INSC: variants seen among roughly 807,000 people sequenced by gnomAD.
INSC encodes INSC spindle orientation adaptor protein.
INSC carries 67 observed loss-of-function variants against 58.6 expected under a neutral mutation model. The observed-to-expected ratio is 1.14, with a 90% CI of 0.94 to 1.40. The LOEUF (loss-of-function observed/expected upper bound fraction) is 1.40, where lower values mean the gene tolerates loss of function less well. INSC is among the 40% of genes most tolerant of loss of function. INSC has a pLI of 0.00. For missense variants in INSC, 714 were observed against 692.0 expected (o/e 1.03, Z -0.36); for synonymous variants, 262 against 276.1 (o/e 0.95, Z 0.51).
At chr11:15,242,266 C>T (rs1852383561) in intron 12 of INSC, among the ~76,000 whole-genome samples, 1 of 152,148 alleles carries the variant, frequency 6.6e-6, no homozygotes, top group Non-Finnish European at 1.5e-5. Flanking sequence ...ATTATTACAG[C>T]TATCATTTTT....
rs540496622 is a variant in INSC, at chr11:15,175,796, A to G, written c.112A>G (p.Met38Val). The part of the protein sequence containing the change: ...VQRWMEDLKL[M>V]TECECMCVLQ... The stretch of plus-strand genomic sequence containing the variant: ...GCGCTGGATGGAAGATCTGAAGCTC[A>G]TGACCGAGTGCGAGTGCATGTGTGT... The change falls in exon 3 of 13, where the codon ATG becomes GTG. Residue 38 changes from methionine to valine, a missense_variant. Transcript: ENST00000379556. 3.1e-6 allele frequency: 5 copies of G among 1,602,862 alleles called. No homozygotes were observed. Among genetic ancestry groups the G allele is most frequent in the East Asian group, 2.2e-5 (1 of 44,538 alleles).
intron 6 of INSC, among the ~76,000 whole-genome samples, chr11:15,199,112 A>T (rs1011042817): frequency 6.6e-6 from 1 of 152,110 alleles, no homozygotes; most frequent in Non-Finnish European, 1.5e-5. Flanking sequence ...TGCCTTCTCT[A>T]TGAGACCATG....
the INSC span, among the ~76,000 whole-genome samples, chr11:15,268,462 G>A: frequency 4.6e-5 from 7 of 152,084 alleles, no homozygotes; most frequent in Admixed American, 3.3e-4. Context: ...TTCTCGATCA[G>A]TGAAGGATCA....
chr11:15,164,360 TG>T (rs1242783175), intron 2 of INSC, among the ~76,000 whole-genome samples: 1 of 152,166 alleles, frequency 6.6e-6, no homozygotes, highest in Admixed American at 6.5e-5. Context: ...TCCAAAAATA[TG>T]ATGACCTGCT....
intron 8 of INSC, among the ~76,000 whole-genome samples, chr11:15,223,046 G>A (rs1446569381): frequency 6.6e-6 from 1 of 152,162 alleles, no homozygotes; most frequent in East Asian, 1.9e-4. Flanking sequence ...ATGAGTTGAA[G>A]AGAGCCAGGT....
chr11:15,127,401 A>G (rs1334476099), intron 1 of INSC, among the ~76,000 whole-genome samples: 1 of 152,144 alleles, frequency 6.6e-6, no homozygotes, highest in Non-Finnish European at 1.5e-5. Flanking sequence ...TTAGGATCCT[A>G]GTGGGGAGGG....
the INSC span, among the ~76,000 whole-genome samples, chr11:15,268,776 C>T: frequency 6.6e-6 from 1 of 152,026 alleles, no homozygotes; most frequent in Non-Finnish European, 1.5e-5. Flanking sequence ...GTTCCTCAGT[C>T]ACAGCATTTT....
chr11:15,201,362 G>A (rs140742000), intron 7 of INSC, among the ~76,000 whole-genome samples: 2 of 152,192 alleles, frequency 1.3e-5, no homozygotes, highest in Non-Finnish European at 2.9e-5. Flanking sequence ...GAGCAGGGCA[G>A]CACTGGGTGT....
intron 2 of INSC, among the ~76,000 whole-genome samples, chr11:15,158,657 C>A (rs1041095844): frequency 4.6e-5 from 7 of 151,840 alleles, no homozygotes; most frequent in Admixed American, 4.6e-4. Context: ...TGAGTAATGG[C>A]TCCATTATTT....
At chr11:15,206,575 C>A (rs768100351) in intron 7 of INSC, among the ~76,000 whole-genome samples, 12 of 152,166 alleles carry the variant, frequency 7.9e-5, no homozygotes, top group Admixed American at 7.2e-4. Context: ...GCCACACAGT[C>A]CAGCGAGAGC....
intron 7 of INSC, among the ~76,000 whole-genome samples, chr11:15,212,402 G>T (rs1205191420): frequency 6.6e-6 from 1 of 152,188 alleles, no homozygotes; most frequent in Non-Finnish European, 1.5e-5. Context: ...CAAAGTGCTG[G>T]AATTACAGGC....
intron 6 of INSC, among the ~76,000 whole-genome samples, chr11:15,191,917 A>C (rs1435659696): frequency 6.6e-6 from 1 of 152,216 alleles, no homozygotes; most frequent in African/African-American, 2.4e-5. Context: ...TTCAGCAGGC[A>C]TCAAGACAAG....
At chr11:15,146,734 G>A (rs1325018202) in intron 1 of INSC, among the ~76,000 whole-genome samples, 1 of 152,228 alleles carries the variant, frequency 6.6e-6, no homozygotes, top group Non-Finnish European at 1.5e-5. Flanking sequence ...GGGTTCACAG[G>A]TCGGTGATCC....
Position 15,180,765 on chromosome 11 carries a change from C to T in INSC, c.579+2318C>T, listed in dbSNP as rs1020899594. On this transcript the variant is annotated intron_variant, in intron 5 of 12. Transcript: ENST00000379556. ...TATTAGTTTTCTTCCTGATAACCCC[C>T]ATTCCTGGTGCTTTCCCCCTTCCCT... Among the ~76,000 whole-genome samples the T allele has an allele frequency of 8.6e-5, 13 of 152,022 alleles. No homozygotes were observed. The East Asian group carries it at 2.5e-3, about 29-fold the overall frequency.
At chr11:15,168,361 T>C (rs915004683) in intron 2 of INSC, among the ~76,000 whole-genome samples, 1 of 152,114 alleles carries the variant, frequency 6.6e-6, no homozygotes, top group Admixed American at 6.5e-5. Context: ...AGTGAGAAAA[T>C]GCAGTGTTTG....
chr11:15,157,757 G>A (rs2133773290), intron 2 of INSC, among the ~76,000 whole-genome samples: 1 of 152,298 alleles, frequency 6.6e-6, no homozygotes. Flanking sequence ...GCGGCACCGT[G>A]ACTGTGGCTG....
chr11:15,147,752 A>G (rs566436211), intron 1 of INSC, among the ~76,000 whole-genome samples: 2 of 152,330 alleles, frequency 1.3e-5, no homozygotes, highest in Admixed American at 1.3e-4. Flanking sequence ...GGAATTATCT[A>G]GCACCCTAGT....
At position 15,176,991 on chromosome 11, in the gene INSC, C is replaced by T. The variant is rs1036387744; in HGVS notation, c.403-120C>T. 6 of 814,102 alleles carry T rather than the reference C, an allele frequency of 7.4e-6. No homozygotes were observed. In the African/African-American group the frequency reaches 8.4e-5, roughly 11 times the overall value. The allele number at this position is 814,102 out of a possible 1,614,324, so 50.4% of individuals were successfully genotyped here. A position where few individuals can be genotyped will look rare whatever the true frequency, so the allele number is the denominator to read the frequency against. Reference sequence around the variant, plus strand: ...ATCACACTGTGTTATATTTTAACTGCCTGTTCCCCAAGTCACATTAATTGA... The same window carrying T: ...ATCACACTGTGTTATATTTTAACTGTCTGTTCCCCAAGTCACATTAATTGA... On this transcript the variant is annotated intron_variant, in intron 3 of 12. Coordinates refer to ENST00000379556, the MANE Select transcript of INSC (RefSeq NM_001042536.3).
chr11:15,115,672 T>G (rs1359691996), intron 1 of INSC, among the ~76,000 whole-genome samples: 1 of 151,954 alleles, frequency 6.6e-6, no homozygotes, highest in Admixed American at 6.5e-5. Context: ...AGGGGATGAG[T>G]GGACCATATG....
Sources: allele counts gnomAD v4.1 joint callset (sites outside exome capture counted in the v4.1 genomes callset), GRCh38; gene constraint gnomAD v4.1.1; transcripts MANE v1.5; gene names NCBI Gene and HGNC (gene_info 2026-07-23, HGNC 2026-07-21).